Variants in GAB4 observed in about 807,000 individuals in gnomAD.
The protein encoded by GAB4 is GRB2-associated-binding protein 4.
Under a neutral mutation model 51.3 loss-of-function variants are expected in GAB4, and 26 were observed. The observed-to-expected ratio is 0.51, with a 90% CI of 0.37 to 0.70. GAB4 has a LOEUF of 0.70. Among genes scored for constraint, GAB4 ranks in the 30% least tolerant of loss-of-function variants. GAB4 has a pLI of 0.00. For synonymous variants in GAB4, 329 were observed against 291.2 expected, an observed-to-expected ratio of 1.13 and a Z score of -1.32; for missense variants, 759 against 734.6, an observed-to-expected ratio of 1.03 and a Z score of -0.38.
At chr22:16,963,020 C>A in intron 9 of GAB4, 144 bp from the exon 10 acceptor site, 1 of 702,952 alleles carries the variant, frequency 1.4e-6, no homozygotes, top group Non-Finnish European at 2.3e-6. Context: ...GGGGCCTGGG[C>A]TTTAAAGCCT....
Position 16,964,811 on chromosome 22 carries a change from G to A in GAB4, c.1431C>T (p.Ile477=). ...CACTGTCTTCTGAGTCTGTGTTGGT[G>A]ATGCTCTGCGTGGAGATGGGGTGTT... ...SSQHPISTQS[I]TNTDSEDSGE... The change falls in exon 8 of 10, where the codon ATC becomes ATT. Residue 477 remains isoleucine (I), a synonymous_variant. Transcript: ENST00000400588. 1 of 1,614,082 alleles carries A rather than the reference G, an allele frequency of 6.2e-7. No individual in the cohort carries two copies. The highest frequency in any genetic ancestry group is 8.5e-7 in the Non-Finnish European group (1 of 1,179,972).
At chr22:16,994,268 C>T (rs542009343) in intron 1 of GAB4, among the ~76,000 whole-genome samples, 1 of 152,282 alleles carries the variant, frequency 6.6e-6, no homozygotes, top group South Asian at 2.1e-4. Flanking sequence ...GACTTCATTG[C>T]TGCTATATCA....
At position 16,988,028 on chromosome 22, in the gene GAB4, C is replaced by A. The variant is rs144427521; in HGVS notation, c.618G>T (p.Trp206Cys). The stretch of plus-strand genomic sequence containing the variant: ...GACACCCCGGAGGTGCAGGGATGGG[C>A]CAGGTGGGCGGCACACAGTGAGACA... ...PPVSHCVPPT[W>C]PIPAPPGCLR... is the part of the protein sequence containing the mutation. Residue 206 changes from tryptophan (W) to cysteine (C), a missense_variant, in exon 3 of 10, where the codon TGG becomes TGT. Transcript: ENST00000400588. 36,393 of 1,608,394 alleles carry A rather than the reference C, an allele frequency of 0.023. 543 individuals are homozygous for A. Among genetic ancestry groups the A allele is most frequent in the Middle Eastern group, 0.038 (224 of 5,824 alleles).
rs115726570 is a variant in GAB4, at chr22:16,964,633, G to C, written c.1476+133C>G. ...ATACACCTGTGCTCAAGAAGAGCTT[G>C]CAATAGGAGACCAAATCACACCTGA... On this transcript the variant is annotated intron_variant, in intron 8 of 9. Transcript: ENST00000400588. The C allele has an allele frequency of 1.6e-3, 975 of 615,846 alleles. 6 individuals are homozygous for C. In the African/African-American group the frequency reaches 0.017, roughly 11 times the overall value. 38.1% of individuals were successfully genotyped at this position (615,846 alleles called of 1,614,324 possible). A position where few individuals can be genotyped will look rare whatever the true frequency, so the allele number is the denominator to read the frequency against.
intron 1 of GAB4, among the ~76,000 whole-genome samples, chr22:17,004,474 A>G (rs180778197): frequency 6.6e-4 from 100 of 152,274 alleles, no homozygotes; most frequent in African/African-American, 2.3e-3. Flanking sequence ...AAAGCTTATC[A>G]ATCACGATCA....
At chr22:16,999,329 G>A (rs1313865342) in intron 1 of GAB4, among the ~76,000 whole-genome samples, 1 of 152,180 alleles carries the variant, frequency 6.6e-6, no homozygotes, top group Non-Finnish European at 1.5e-5. Flanking sequence ...CCTGTTATTG[G>A]TCTATTCAGG....
intron 3 of GAB4, among the ~76,000 whole-genome samples, chr22:16,985,548 A>G (rs530960076): frequency 6.6e-4 from 100 of 152,370 alleles, no homozygotes; most frequent in African/African-American, 2.3e-3. Context: ...AAGCTATGCC[A>G]CTACCATCAG....
chr22:16,979,962 G>C (rs1020261415), intron 3 of GAB4, among the ~76,000 whole-genome samples: 10 of 152,168 alleles, frequency 6.6e-5, no homozygotes, highest in African/African-American at 2.2e-4. Context: ...GCCATATGCA[G>C]GGAACTGAAA....
intron 3 of GAB4, among the ~76,000 whole-genome samples, chr22:16,981,210 T>C (rs1191213471): frequency 2.0e-5 from 3 of 150,056 alleles, no homozygotes; most frequent in African/African-American, 7.3e-5. Flanking sequence ...AGAAAAAAAC[T>C]AAATGATGCC....
intron 3 of GAB4, among the ~76,000 whole-genome samples, chr22:16,974,433 G>A (rs1239783350): frequency 6.6e-6 from 1 of 152,220 alleles, no homozygotes; most frequent in East Asian, 1.9e-4. Flanking sequence ...AAGCACTAGT[G>A]TGCAGGGTGC....
chr22:16,977,193 G>C (rs143832602), intron 3 of GAB4, among the ~76,000 whole-genome samples: 1 of 152,024 alleles, frequency 6.6e-6, no homozygotes, highest in African/African-American at 2.4e-5. Flanking sequence ...AATGTAAATG[G>C]GCTAAATGCC....
intron 3 of GAB4, among the ~76,000 whole-genome samples, chr22:16,973,797 C>T (rs1448305343): frequency 1.3e-5 from 2 of 152,186 alleles, no homozygotes; most frequent in Non-Finnish European, 2.9e-5. Flanking sequence ...TGCTCTTCCT[C>T]CCTGTTCCCA....
At chr22:16,971,116 C>T (rs901484741) in intron 3 of GAB4, among the ~76,000 whole-genome samples, 1 of 152,086 alleles carries the variant, frequency 6.6e-6, no homozygotes, top group African/African-American at 2.4e-5. Flanking sequence ...ATGGCTTGAG[C>T]CCAGGAGGCC....
At chr22:16,978,749 T>C (rs1051997563) in intron 3 of GAB4, among the ~76,000 whole-genome samples, 1 of 152,184 alleles carries the variant, frequency 6.6e-6, no homozygotes, top group African/African-American at 2.4e-5. Flanking sequence ...TTCAGGCCAA[T>C]ATCCCTGATG....
chr22:17,007,551 G>A (rs547236826), intron 1 of GAB4, among the ~76,000 whole-genome samples: 1 of 150,824 alleles, frequency 6.6e-6, no homozygotes, highest in African/African-American at 2.4e-5. Context: ...GCCTTCCTTG[G>A]GGCCTGGGAG....
intron 1 of GAB4, among the ~76,000 whole-genome samples, chr22:16,994,277 C>T (rs1445343178): frequency 6.6e-6 from 1 of 152,168 alleles, no homozygotes; most frequent in Admixed American, 6.5e-5. Flanking sequence ...GCTGCTATAT[C>T]AACTCCTGGG....
chr22:16,995,838 T>G (rs1377036400), intron 1 of GAB4, among the ~76,000 whole-genome samples: 3 of 151,730 alleles, frequency 2.0e-5, no homozygotes, highest in Non-Finnish European at 4.4e-5. Context: ...ACAGACAAAT[T>G]CACAAAGATG....
intron 6 of GAB4, 27 bp downstream of exon 6, chr22:16,966,073 C>A: frequency 1.2e-6 from 2 of 1,610,302 alleles, no homozygotes; most frequent in South Asian, 2.2e-5. Flanking sequence ...TGGACATTGT[C>A]AAGAAATAGA....
At chr22:16,980,391 C>A (rs143094322) in intron 3 of GAB4, among the ~76,000 whole-genome samples, 3,362 of 151,934 alleles carry the variant, frequency 0.022, 58 homozygotes, top group Middle Eastern at 0.068. Flanking sequence ...TTATGCAGCC[C>A]ACAAACATGA....
Sources: allele counts gnomAD v4.1 joint callset (sites outside exome capture counted in the v4.1 genomes callset), GRCh38; gene constraint gnomAD v4.1.1; transcripts MANE v1.5; gene names NCBI Gene and HGNC (gene_info 2026-07-23, HGNC 2026-07-21).